MACROD2: variants seen among roughly 807,000 people sequenced by gnomAD.
MACROD2 encodes the protein ADP-ribose glycohydrolase MACROD2.
Under a neutral mutation model 70.4 loss-of-function variants are expected in MACROD2, and 36 were observed. The observed-to-expected ratio is 0.51, with a 90% CI of 0.39 to 0.68. The LOEUF is 0.68. MACROD2 is among the 30% of genes least tolerant of loss of function. MACROD2 has a pLI of 0.00. For missense variants in MACROD2, 496 were observed against 538.4 expected (o/e 0.92, Z 0.78); for synonymous variants, 172 against 178.8 (o/e 0.96, Z 0.30).
chr20:14,387,555 G>A (rs1198054194), intron 3 of MACROD2, among the ~76,000 whole-genome samples: 1 of 152,118 alleles, frequency 6.6e-6, no homozygotes, highest in Non-Finnish European at 1.5e-5. Context: ...TGAAAGAATG[G>A]CCAGCCTCTG....
chr20:15,659,682 A>G (rs2049790536), intron 8 of MACROD2, among the ~76,000 whole-genome samples: 1 of 151,932 alleles, frequency 6.6e-6, no homozygotes, highest in Admixed American at 6.6e-5. Flanking sequence ...TGTTGCTACA[A>G]AGAATACCTG....
intron 3 of MACROD2, among the ~76,000 whole-genome samples, chr20:14,446,820 G>A (rs74333038): frequency 0.012 from 1,805 of 152,086 alleles, 41 homozygotes; most frequent in African/African-American, 0.041. Context: ...GCCAAAAAAG[G>A]CAAAGAAAAT....
At chr20:15,937,053 G>A (rs569569088) in intron 11 of MACROD2, among the ~76,000 whole-genome samples, 1 of 152,272 alleles carries the variant, frequency 6.6e-6, no homozygotes, top group East Asian at 1.9e-4. Context: ...TGGCATAATG[G>A]AGCAGAAGTG....
At chr20:14,509,835 C>T (rs137889258) in intron 4 of MACROD2, among the ~76,000 whole-genome samples, 2,100 of 151,836 alleles carry the variant, frequency 0.014, 40 homozygotes, top group African/African-American at 0.042. Flanking sequence ...TTCTATAATA[C>T]GTTAGATTTT....
intron 3 of MACROD2, among the ~76,000 whole-genome samples, chr20:14,272,404 A>G (rs1345362876): frequency 1.3e-5 from 2 of 151,976 alleles, no homozygotes; most frequent in African/African-American, 4.8e-5. Flanking sequence ...AAGCTTCATA[A>G]GTGAAGGAGA....
chr20:14,499,284 A>G (rs1199941181), intron 4 of MACROD2, among the ~76,000 whole-genome samples: 1 of 152,174 alleles, frequency 6.6e-6, no homozygotes, highest in Non-Finnish European at 1.5e-5. Context: ...TAATTTCAGT[A>G]CTTCGGGAGG....
chr20:15,048,444 C>T (rs4813170), intron 5 of MACROD2, among the ~76,000 whole-genome samples: 25,934 of 150,540 alleles, frequency 0.17, 2,834 homozygotes, highest in East Asian at 0.33. Flanking sequence ...TTAATCCTCT[C>T]ATTCTTTTTA....
At chr20:14,513,886 C>T (rs1041788666) in intron 4 of MACROD2, among the ~76,000 whole-genome samples, 1 of 151,822 alleles carries the variant, frequency 6.6e-6, no homozygotes, top group Non-Finnish European at 1.5e-5. Context: ...ATTTCTTCTC[C>T]CCCTTTTCTT....
intron 8 of MACROD2, among the ~76,000 whole-genome samples, chr20:15,584,409 G>A (rs760935257): frequency 1.3e-5 from 2 of 152,056 alleles, no homozygotes; most frequent in Admixed American, 6.5e-5. Flanking sequence ...ATAGCTTTTA[G>A]AAATAATTAA....
At chr20:15,298,465 G>A (rs1386025535) in intron 6 of MACROD2, among the ~76,000 whole-genome samples, 1 of 152,166 alleles carries the variant, frequency 6.6e-6, no homozygotes, top group African/African-American at 2.4e-5. Context: ...GAGAGAGACT[G>A]GCTGGCATAA....
intron 5 of MACROD2, among the ~76,000 whole-genome samples, chr20:15,061,889 A>G: frequency 6.6e-6 from 1 of 152,152 alleles, no homozygotes; most frequent in East Asian, 1.9e-4. Flanking sequence ...GCCCAGTGAG[A>G]GGGACTTCAA....
chr20:15,633,937 C>T (rs2049328231), intron 8 of MACROD2, among the ~76,000 whole-genome samples: 1 of 152,146 alleles, frequency 6.6e-6, no homozygotes, highest in South Asian at 2.1e-4. Flanking sequence ...CCTGTCAATT[C>T]ATTTTTTTAA....
intron 3 of MACROD2, among the ~76,000 whole-genome samples, chr20:14,302,474 A>C (rs976749802): frequency 6.6e-6 from 1 of 152,226 alleles, no homozygotes; most frequent in African/African-American, 2.4e-5. Flanking sequence ...GAGAGGTAGC[A>C]AAGTATTTAT....
At chr20:14,847,644 T>C (rs901164577) in intron 5 of MACROD2, among the ~76,000 whole-genome samples, 2 of 151,378 alleles carry the variant, frequency 1.3e-5, no homozygotes, top group Non-Finnish European at 2.9e-5. Context: ...TCCCCCCTTT[T>C]AAAAAAAAAT....
intron 4 of MACROD2, among the ~76,000 whole-genome samples, chr20:14,674,274 A>G (rs780043435): frequency 6.6e-6 from 1 of 152,312 alleles, no homozygotes; most frequent in South Asian, 2.1e-4. Flanking sequence ...TCAGGCAAAC[A>G]TGGGCTCTGA....
At chr20:15,265,526 C>T (rs1197739233) in intron 6 of MACROD2, among the ~76,000 whole-genome samples, 1 of 152,152 alleles carries the variant, frequency 6.6e-6, no homozygotes. Context: ...TCATGTGACT[C>T]ATTTTTTTTC....
intron 8 of MACROD2, among the ~76,000 whole-genome samples, chr20:15,509,092 T>A (rs1312591667): frequency 1.3e-5 from 2 of 152,228 alleles, no homozygotes; most frequent in Non-Finnish European, 2.9e-5. Flanking sequence ...AGAGAACCTG[T>A]GCTATGTTGA....
intron 8 of MACROD2, among the ~76,000 whole-genome samples, chr20:15,604,231 G>A (rs572592316): frequency 6.6e-6 from 1 of 152,332 alleles, no homozygotes; most frequent in South Asian, 2.1e-4. Context: ...TCAGTGCAGA[G>A]GAGGAAGGAT....
chr20:15,427,862 T>C (rs1218787195), intron 6 of MACROD2, among the ~76,000 whole-genome samples: 1 of 152,122 alleles, frequency 6.6e-6, no homozygotes, highest in African/African-American at 2.4e-5. Flanking sequence ...CAAGGGGTGA[T>C]TTTTTCCCCC....
Sources: allele counts gnomAD v4.1 joint callset (sites outside exome capture counted in the v4.1 genomes callset), GRCh38; gene constraint gnomAD v4.1.1; transcripts MANE v1.5; gene names NCBI Gene and HGNC (gene_info 2026-07-23, HGNC 2026-07-21).